Variants in ANO6 observed in about 807,000 individuals in gnomAD.
The protein encoded by ANO6 is anoctamin-6.
In ANO6, 106 loss-of-function variants were observed where a neutral mutation model predicts 117.5. The observed-to-expected ratio is 0.90, with a 90% CI of 0.77 to 1.06. ANO6 has a LOEUF of 1.06. Ranked by LOEUF, ANO6 falls within the 50% of genes least tolerant of loss-of-function variation. The pLI is 0.00. For missense variants in ANO6, 955 were observed against 1,121.1 expected (o/e 0.85, Z 2.12); for synonymous variants, 367 against 385.1 (o/e 0.95, Z 0.55).
In ANO6 at chr12:45,422,997, T is replaced by C. The variant is rs1334512010; in HGVS notation, c.2461T>C (p.Tyr821His). 2 of 1,613,920 alleles carry C rather than the reference T, an allele frequency of 1.2e-6. No individual in the cohort carries two copies. The highest frequency in any genetic ancestry group is 4.5e-5 in the East Asian group (2 of 44,902). ...ATACCCACCTGGACACCCCCAGGAG[T>C]ATAAACACAACATCTACTATTGGCA... ...FRYPPGHPQE[Y>H]KHNIYYWHVI... The change falls in exon 19 of 20, where the codon TAT becomes CAT. Residue 821 changes from tyrosine to histidine, a missense_variant. By Grantham distance (83) the Tyr-to-His change is moderately conservative. Coordinates refer to ENST00000320560, the MANE Select transcript of ANO6 (RefSeq NM_001025356.3).
intron 9 of ANO6, among the ~76,000 whole-genome samples, chr12:45,369,504 GA>G (rs57204125): frequency 0.098 from 14,182 of 144,604 alleles, 1,169 homozygotes; most frequent in African/African-American, 0.23. Flanking sequence ...TTTTTGTTTT[GA>G]AAAAAAAAAA....
rs1268663050 is a variant in ANO6 at position 45,357,395 on chromosome 12, A to G, written c.969A>G (p.Gly323=). 6.2e-7 allele frequency: 1 copy of G among 1,613,708 alleles called. No homozygotes were observed. Among genetic ancestry groups the G allele is most frequent in the Admixed American group, 1.7e-5 (1 of 60,008 alleles). The change falls in exon 8 of 20, where the codon GGA becomes GGG. Residue 323 remains glycine (G), a synonymous_variant. Coordinates refer to ENST00000320560, the MANE Select transcript of ANO6 (RefSeq NM_001025356.3). ...TAGGAGTGGCTTGCTTTCTCTATGG[A>G]TATCTTAATCAAGATAACTGTACAT... ...AVVGVACFLY[G]YLNQDNCTWS...
intron 1 of ANO6, among the ~76,000 whole-genome samples, chr12:45,285,112 A>C (rs1938866427): frequency 1.3e-5 from 2 of 152,244 alleles, no homozygotes; most frequent in Non-Finnish European, 2.9e-5. Flanking sequence ...AAATTTCCTT[A>C]GCTATGCCTG....
chr12:45,287,372 C>A (rs1302011889), intron 1 of ANO6, among the ~76,000 whole-genome samples: 1 of 152,190 alleles, frequency 6.6e-6, no homozygotes, highest in African/African-American at 2.4e-5. Flanking sequence ...TACCTAACTT[C>A]TCCATGCCTC....
rs1942850900 is a variant in ANO6, at chr12:45,403,471, A to G, written c.1815A>G (p.Thr605=). 1 of 1,613,994 alleles carries G rather than the reference A, an allele frequency of 6.2e-7. No individual in the cohort carries two copies. Among genetic ancestry groups the G allele is most frequent in the East Asian group, 2.2e-5 (1 of 44,872 alleles). The part of the protein sequence containing the change: ...CDPGGCLLEL[T]TQLTIIMGGK... ...CAGGTGGCTGTCTTCTTGAACTGAC[A>G]ACTCAGCTGACAATAATCATGGGAG... Residue 605 remains threonine, a synonymous_variant, in exon 15 of 20, where the codon ACA becomes ACG. Coordinates refer to ENST00000320560, the MANE Select transcript of ANO6 (RefSeq NM_001025356.3).
chr12:45,401,660 C>T, intron 12 of ANO6, 135 bp from the exon 13 acceptor site: 1 of 762,444 alleles, frequency 1.3e-6, no homozygotes, highest in Non-Finnish European at 2.2e-6. Flanking sequence ...GCCAGACTTT[C>T]TACCACCGCT....
chr12:45,367,725 A>G lies in ANO6; in HGVS notation c.1036A>G (p.Ile346Val). The G allele has an allele frequency of 1.2e-6, 2 of 1,613,632 alleles. No individual in the cohort carries two copies. Among genetic ancestry groups the G allele is most frequent in the South Asian group, 1.1e-5 (1 of 90,992 alleles). Reference protein sequence around the residue: ...VCHPDIGGKIIMCPQCDRLCP... With the variant: ...VCHPDIGGKIVMCPQCDRLCP... ...TCATCCTGATATTGGTGGCAAGATCATAATGTGTCCTCAGTGTGATAGGCT... is the reference window on the plus strand; with the variant it reads ...TCATCCTGATATTGGTGGCAAGATCGTAATGTGTCCTCAGTGTGATAGGCT... Residue 346 changes from isoleucine (I) to valine (V), a missense_variant, in exon 9 of 20, where the codon ATA becomes GTA. Coordinates refer to ENST00000320560, the MANE Select transcript of ANO6 (RefSeq NM_001025356.3).
chr12:45,387,920 A>G (rs894349737), intron 10 of ANO6, among the ~76,000 whole-genome samples: 4 of 152,036 alleles, frequency 2.6e-5, no homozygotes, highest in African/African-American at 9.7e-5. Flanking sequence ...TTGCCATGTA[A>G]GACGTGTTTT....
intron 2 of ANO6, among the ~76,000 whole-genome samples, chr12:45,315,657 T>G (rs1940000402): frequency 6.6e-6 from 1 of 152,030 alleles, no homozygotes; most frequent in African/African-American, 2.4e-5. Context: ...GTTTATCCTT[T>G]TCTTAAATCT....
intron 19 of ANO6, chr12:45,439,647 CTTTTTTTT>C: frequency 1.1e-5 from 13 of 1,132,754 alleles, no homozygotes; most frequent in African/African-American, 1.9e-5. Flanking sequence ...GATTTAATTG[CTTTTTTTT>C]TTTTTTTTTT....
chr12:45,375,888 C>T lies in ANO6; in HGVS notation c.1105-2165C>T, dbSNP rs1364601808. On this transcript the variant is annotated intron_variant, in intron 9 of 19. Transcript: ENST00000320560. ...ATTAAACTAAAGGGCTTCTGCACAGCAAAAGAAACTACCATCAGAGTGAAC... is the reference window on the plus strand; with the variant it reads ...ATTAAACTAAAGGGCTTCTGCACAGTAAAAGAAACTACCATCAGAGTGAAC... Among the ~76,000 whole-genome samples the T allele has an allele frequency of 2.0e-5, 3 of 148,542 alleles. No homozygotes were observed. The East Asian group carries it at 6.4e-4, about 32-fold the overall frequency.
intron 7 of ANO6, among the ~76,000 whole-genome samples, chr12:45,352,924 G>A (rs7956153): frequency 0.032 from 4,937 of 152,130 alleles, 244 homozygotes; most frequent in African/African-American, 0.11. Flanking sequence ...TGCTCTTGTT[G>A]AAAGAATGCC....
At position 45,367,781 on chromosome 12, in the gene ANO6, C is replaced by T. The variant is rs61745715; in HGVS notation, c.1092C>T (p.Cys364=). ...LCPFWKLNIT[C]ESSKKLCIFD... Reference sequence around the variant, plus strand: ...CATTCTGGAAACTCAATATTACTTGCGAGTCCTCAAAGGTAATTTTTGCTA... The same window carrying T: ...CATTCTGGAAACTCAATATTACTTGTGAGTCCTCAAAGGTAATTTTTGCTA... Residue 364 remains cysteine (C), a synonymous_variant, in exon 9 of 20, where the codon TGC becomes TGT. Coordinates refer to ENST00000320560, the MANE Select transcript of ANO6 (RefSeq NM_001025356.3). 33 of 1,612,946 alleles carry T rather than the reference C, an allele frequency of 2.0e-5. No homozygotes were observed. The highest frequency in any genetic ancestry group is 1.7e-4 in the Middle Eastern group (1 of 6,054).
At position 45,249,665 on chromosome 12, in the gene ANO6, C is replaced by A. The variant is rs1435400694; in HGVS notation, c.70+33274C>A. On this transcript the variant is annotated intron_variant, in intron 1 of 19. Coordinates refer to ENST00000320560, the MANE Select transcript of ANO6 (RefSeq NM_001025356.3). ...GCCATCAGATAGTAGAGCTGATTTT[C>A]AAAAATCTTTAATATTTCATGTAAA... Among the ~76,000 whole-genome samples the A allele has an allele frequency of 3.3e-5, 5 of 152,172 alleles. No homozygotes were observed. In the East Asian group the frequency reaches 7.7e-4, roughly 23 times the overall value.
chr12:45,342,018 TTTCCC>T (rs1366600376), intron 3 of ANO6, among the ~76,000 whole-genome samples: 1 of 152,142 alleles, frequency 6.6e-6, no homozygotes, highest in Non-Finnish European at 1.5e-5. Context: ...GAAGCTGTTT[TTTCCC>T]TCTATCTTTT....
chr12:45,282,578 A>G (rs951440380), intron 1 of ANO6, among the ~76,000 whole-genome samples: 3 of 152,198 alleles, frequency 2.0e-5, no homozygotes, highest in Non-Finnish European at 2.9e-5. Context: ...GCAAGTCACT[A>G]TGGACCTTAG....
chr12:45,299,811 T>C (rs902985475), intron 1 of ANO6, among the ~76,000 whole-genome samples: 1 of 151,738 alleles, frequency 6.6e-6, no homozygotes, highest in South Asian at 2.1e-4. Context: ...CAGATTGCGC[T>C]ACTGCACTCC....
chr12:45,303,663 T>C (rs1939571384), intron 2 of ANO6, among the ~76,000 whole-genome samples: 1 of 152,188 alleles, frequency 6.6e-6, no homozygotes, highest in Non-Finnish European at 1.5e-5. Flanking sequence ...CTGATAATCT[T>C]CCTCCACCTT....
At chr12:45,329,846 A>G (rs1279892908) in intron 2 of ANO6, among the ~76,000 whole-genome samples, 2 of 152,116 alleles carry the variant, frequency 1.3e-5, no homozygotes, top group Admixed American at 1.3e-4. Context: ...AGTAAGAGAA[A>G]TTGAATGGAC....
Sources: allele counts gnomAD v4.1 joint callset (sites outside exome capture counted in the v4.1 genomes callset), GRCh38; gene constraint gnomAD v4.1.1; transcripts MANE v1.5; gene names NCBI Gene and HGNC (gene_info 2026-07-23, HGNC 2026-07-21).